C4orf51: variants seen among roughly 807,000 people sequenced by gnomAD.
C4orf51 encodes uncharacterized protein C4orf51.
C4orf51 carries 25 observed loss-of-function variants against 25.2 expected under a neutral mutation model. The ratio of observed to expected loss-of-function variants is 0.99; its 90% CI spans 0.72 to 1.39. The LOEUF is 1.39. Ranked by LOEUF, C4orf51 falls within the 40% of genes most tolerant of loss-of-function variation. The pLI is 0.00. For synonymous variants in C4orf51, 100 were observed against 84.5 expected (o/e 1.18, Z -1.01); for missense variants, 252 against 239.6 (o/e 1.05, Z -0.34).
At chr4:145,778,951 A>G in the C4orf51 span, among the ~76,000 whole-genome samples, 1 of 152,100 alleles carries the variant, frequency 6.6e-6, no homozygotes, top group African/African-American at 2.4e-5. Flanking sequence ...AACCAACCAT[A>G]TTTCTCCACA....
intron 2 of C4orf51, among the ~76,000 whole-genome samples, chr4:145,699,546 G>A (rs549215542): frequency 9.9e-5 from 15 of 151,968 alleles, no homozygotes; most frequent in African/African-American, 3.4e-4. Context: ...TCATTTTCTG[G>A]TAGAGACAAA....
intron 2 of C4orf51, among the ~76,000 whole-genome samples, chr4:145,701,601 A>C (rs150204258): frequency 0.032 from 4,816 of 151,370 alleles, 136 homozygotes; most frequent in Non-Finnish European, 0.049. Flanking sequence ...CTAGACCATC[A>C]CGGATGCCGA....
At chr4:145,789,193 C>T in the C4orf51 span, among the ~76,000 whole-genome samples, 26,511 of 152,058 alleles carry the variant, frequency 0.17, 3,329 homozygotes, top group East Asian at 0.68. Context: ...TCGATATTTT[C>T]CTCAAACAGC....
rs916747216 is a variant in C4orf51 at position 145,761,950 on chromosome 4, C to G, written n.167-9038C>G. On this transcript the variant is annotated intron_variant and non_coding_transcript_variant, in intron 1 of 1. Coordinates refer to the C4orf51 transcript ENST00000510096. The surrounding 1 kb of genome is among the most constrained non-coding windows in gnomAD (Gnocchi z 6.8). ...CCCGCCCGGCCCCTCGGAGCCCTCC[C>G]CACTCCCGACCAGACAGCGCAGAGG... is the stretch of plus-strand genomic sequence containing the variant. Among the ~76,000 whole-genome samples, 3 of 152,178 alleles carry G rather than the reference C, an allele frequency of 2.0e-5. No individual in the cohort carries two copies. Among genetic ancestry groups the G allele is most frequent in the African/African-American group, 7.2e-5 (3 of 41,438 alleles).
intron 1 of C4orf51, among the ~76,000 whole-genome samples, chr4:145,691,056 T>C (rs28882086): frequency 0.61 from 92,364 of 151,870 alleles, 29,161 homozygotes; most frequent in African/African-American, 0.78. Context: ...GAGGCTATAG[T>C]GAGCTATGAT....
At chr4:145,728,019 ATAAT>A (rs1275706039) in intron 3 of C4orf51, among the ~76,000 whole-genome samples, 1 of 127,648 alleles carries the variant, frequency 7.8e-6, no homozygotes, top group East Asian at 2.1e-4. Context: ...GTGTGTATAT[ATAAT>A]ATATATTATA....
At chr4:145,753,067 G>A (rs936461665) in intron 1 of C4orf51, among the ~76,000 whole-genome samples, 2 of 152,044 alleles carry the variant, frequency 1.3e-5, no homozygotes, top group Non-Finnish European at 2.9e-5. Context: ...CCTCTTCAGT[G>A]CCTTTTTCAG....
intron 1 of C4orf51, among the ~76,000 whole-genome samples, chr4:145,688,823 T>C (rs1185204180): frequency 6.6e-6 from 1 of 152,190 alleles, no homozygotes; most frequent in Non-Finnish European, 1.5e-5. Context: ...CTTGACACAA[T>C]GATTCTAAAA....
At chr4:145,721,985 T>G (rs189048013) in intron 2 of C4orf51, among the ~76,000 whole-genome samples, 1 of 152,228 alleles carries the variant, frequency 6.6e-6, no homozygotes, top group Non-Finnish European at 1.5e-5. Context: ...GATTTTCCTT[T>G]TTTTGTGTGT....
At chr4:145,728,006 A>G (rs1732193667) in intron 3 of C4orf51, among the ~76,000 whole-genome samples, 1 of 132,404 alleles carries the variant, frequency 7.6e-6, no homozygotes, top group Admixed American at 8.9e-5. Flanking sequence ...TTATATATAT[A>G]ATGTGTGTAT....
intron 2 of C4orf51, among the ~76,000 whole-genome samples, chr4:145,716,962 A>T (rs1038742648): frequency 6.6e-6 from 1 of 152,242 alleles, no homozygotes; most frequent in South Asian, 2.1e-4. Flanking sequence ...GAAACACACT[A>T]CATAGCTTGA....
At chr4:145,790,098 G>C in the C4orf51 span, among the ~76,000 whole-genome samples, 1 of 152,280 alleles carries the variant, frequency 6.6e-6, no homozygotes, top group East Asian at 1.9e-4. Flanking sequence ...TCCCAGTGAA[G>C]AAAAATAACA....
intron 2 of C4orf51, among the ~76,000 whole-genome samples, chr4:145,697,203 G>A (rs1219350366): frequency 1.3e-5 from 2 of 150,672 alleles, no homozygotes; most frequent in Non-Finnish European, 3.0e-5. Flanking sequence ...GGGTTCAAGC[G>A]ATTTTCATGC....
intron 2 of C4orf51, among the ~76,000 whole-genome samples, chr4:145,715,480 C>A (rs1731359433): frequency 6.6e-6 from 1 of 152,128 alleles, no homozygotes; most frequent in South Asian, 2.1e-4. Context: ...TCTCTCTTGG[C>A]ACTGAGTTGT....
At chr4:145,718,041 T>TA (rs1224944572) in intron 2 of C4orf51, among the ~76,000 whole-genome samples, 1 of 152,242 alleles carries the variant, frequency 6.6e-6, no homozygotes, top group Non-Finnish European at 1.5e-5. Flanking sequence ...CAAACAATGA[T>TA]ACAGCTGGGC....
At chr4:145,792,118 G>T in the C4orf51 span, among the ~76,000 whole-genome samples, 1 of 152,178 alleles carries the variant, frequency 6.6e-6, no homozygotes, top group African/African-American at 2.4e-5. Flanking sequence ...TGGACCTGGT[G>T]CTAAGGAGGC....
chr4:145,749,081 AT>A (rs932303153), intron 1 of C4orf51, among the ~76,000 whole-genome samples: 1 of 148,618 alleles, frequency 6.7e-6, no homozygotes, highest in Admixed American at 6.7e-5. Flanking sequence ...ATATATATAT[AT>A]ATATGTATAT....
intron 1 of C4orf51, among the ~76,000 whole-genome samples, chr4:145,692,824 T>C (rs1729673734): frequency 6.6e-6 from 1 of 152,056 alleles, no homozygotes; most frequent in African/African-American, 2.4e-5. Flanking sequence ...TAACCTGCAC[T>C]TCCCACCCAG....
At chr4:145,712,793 T>C (rs560466030) in intron 2 of C4orf51, among the ~76,000 whole-genome samples, 1 of 152,350 alleles carries the variant, frequency 6.6e-6, no homozygotes, top group South Asian at 2.1e-4. Flanking sequence ...GAAGATGCCA[T>C]CTAGAACTTT....
Sources: allele counts gnomAD v4.1 joint callset (sites outside exome capture counted in the v4.1 genomes callset), GRCh38; gene constraint gnomAD v4.1.1; non-coding constraint Gnocchi (gnomAD v3.1); transcripts MANE v1.5; gene names NCBI Gene and HGNC (gene_info 2026-07-23, HGNC 2026-07-21).